Variants in TIMD4 observed in about 807,000 individuals in gnomAD.
TIMD4 encodes T-cell immunoglobulin and mucin domain-containing protein 4.
In TIMD4, 31 loss-of-function variants were observed where a neutral mutation model predicts 41.2. The observed-to-expected ratio is 0.75, with a 90% CI of 0.57 to 1.01. The LOEUF is 1.01. TIMD4 is among the 50% of genes least tolerant of loss of function. The pLI is 0.00. For missense variants in TIMD4, 479 were observed against 472.5 expected (o/e 1.01, Z -0.13); for synonymous variants, 204 against 177.1 (o/e 1.15, Z -1.21).
intron 1 of TIMD4, among the ~76,000 whole-genome samples, chr5:156,956,335 A>G (rs1020019491): frequency 6.6e-6 from 1 of 152,232 alleles, no homozygotes; most frequent in Non-Finnish European, 1.5e-5. Context: ...TGTGCCATAA[A>G]AAAAAAATGC....
In TIMD4 at chr5:156,944,624, C is replaced by T. The variant is rs188181233; in HGVS notation, c.844+3792G>A. On this transcript the variant is annotated intron_variant, in intron 5 of 8. Coordinates refer to ENST00000274532, the MANE Select transcript of TIMD4 (RefSeq NM_138379.3). Reference sequence around the variant, plus strand: ...GGTTCACACCATTCTCCTGCCTCAGCCTCCCAAGTAGCTGGGACTACAGGT... The same window carrying T: ...GGTTCACACCATTCTCCTGCCTCAGTCTCCCAAGTAGCTGGGACTACAGGT... Among the ~76,000 whole-genome samples, 800 of 151,928 alleles carry T rather than the reference C, an allele frequency of 5.3e-3. 1 individual carries two copies. Among genetic ancestry groups the T allele is most frequent in the Non-Finnish European group, 6.4e-3 (437 of 67,980 alleles).
At chr5:156,955,828 T>C (rs1759960564) in intron 1 of TIMD4, among the ~76,000 whole-genome samples, 1 of 152,228 alleles carries the variant, frequency 6.6e-6, no homozygotes, top group African/African-American at 2.4e-5. Flanking sequence ...GTGGAGTTCA[T>C]GGACTATCTA....
intron 5 of TIMD4, among the ~76,000 whole-genome samples, chr5:156,945,149 T>C (rs1202059742): frequency 6.6e-6 from 1 of 152,168 alleles, no homozygotes; most frequent in Non-Finnish European, 1.5e-5. Context: ...GTAGTCTTAT[T>C]CTGTAAGAGG....
intron 5 of TIMD4, among the ~76,000 whole-genome samples, chr5:156,946,251 A>T (rs1346669404): frequency 6.6e-6 from 1 of 151,912 alleles, no homozygotes; most frequent in Non-Finnish European, 1.5e-5. Flanking sequence ...ATAGTCCCCC[A>T]CCCTTACCCC....
intron 5 of TIMD4, among the ~76,000 whole-genome samples, chr5:156,940,788 G>A (rs1187592623): frequency 6.6e-6 from 1 of 151,780 alleles, no homozygotes. Flanking sequence ...GGGCACCCCC[G>A]CCCGGCAGCC....
At chr5:156,919,712 A>G (rs1319390687) in intron 8 of TIMD4, among the ~76,000 whole-genome samples, 171 bp from the exon 9 acceptor site, 3 of 152,214 alleles carry the variant, frequency 2.0e-5, no homozygotes, top group East Asian at 1.9e-4. Flanking sequence ...CAGGGGAAAA[A>G]GAGTTTCTGC....
intron 5 of TIMD4, among the ~76,000 whole-genome samples, chr5:156,933,598 C>T (rs957883458): frequency 2.0e-5 from 3 of 146,886 alleles, no homozygotes; most frequent in Admixed American, 6.7e-5. Context: ...GACAGAGTCT[C>T]ACTCTGTCTC....
intron 5 of TIMD4, among the ~76,000 whole-genome samples, chr5:156,940,061 A>AT (rs1477834685): frequency 6.6e-6 from 1 of 152,166 alleles, no homozygotes; most frequent in Non-Finnish European, 1.5e-5. Context: ...TCCCTGCCTG[A>AT]TTCTCCTGCC....
chr5:156,945,957 T>A (rs1430367190), intron 5 of TIMD4, among the ~76,000 whole-genome samples: 1 of 152,190 alleles, frequency 6.6e-6, no homozygotes, highest in African/African-American at 2.4e-5. Context: ...CTGCTTTTCA[T>A]CCCTAATGAC....
intron 5 of TIMD4, among the ~76,000 whole-genome samples, chr5:156,937,792 A>C (rs1467179881): frequency 6.6e-6 from 1 of 152,242 alleles, no homozygotes; most frequent in African/African-American, 2.4e-5. Flanking sequence ...AGAAAAAATA[A>C]TAAGAATCCA....
rs189227385 is a variant in TIMD4 at position 156,933,437 on chromosome 5, G to A, written c.845-7125C>T. On this transcript the variant is annotated intron_variant, in intron 5 of 8. Transcript: ENST00000274532. ...TCACTGCACTACAGCTTGGGCAACA[G>A]AGTGAGATCTCGCCCCCCAACCCCC... Among the ~76,000 whole-genome samples the A allele has an allele frequency of 1.2e-3, 180 of 151,992 alleles. 1 individual carries two copies. The highest frequency in any genetic ancestry group is 4.0e-3 in the African/African-American group (167 of 41,402).
intron 3 of TIMD4, among the ~76,000 whole-genome samples, chr5:156,950,966 T>C (rs977440790): frequency 7.3e-5 from 11 of 150,388 alleles, no homozygotes; most frequent in Admixed American, 2.7e-4. Context: ...AGAGAAACCA[T>C]AAAAAAAGAA....
intron 5 of TIMD4, among the ~76,000 whole-genome samples, chr5:156,938,423 C>T (rs751418304): frequency 6.6e-6 from 1 of 152,164 alleles, no homozygotes; most frequent in Non-Finnish European, 1.5e-5. Flanking sequence ...TATATTTTTA[C>T]TAAGTTCCCT....
chr5:156,962,442 G>A (rs958327188), intron 1 of TIMD4, among the ~76,000 whole-genome samples: 9 of 152,032 alleles, frequency 5.9e-5, no homozygotes, highest in Non-Finnish European at 1.3e-4. Context: ...AACTGCAAGG[G>A]CCATTCAATA....
intron 5 of TIMD4, among the ~76,000 whole-genome samples, chr5:156,944,916 G>A (rs915992658): frequency 5.3e-5 from 8 of 152,132 alleles, no homozygotes; most frequent in Admixed American, 2.0e-4. Context: ...ATAAAGTGGA[G>A]GCAAGAAATT....
At position 156,919,481 on chromosome 5, in the gene TIMD4, G is replaced by A. The variant is rs374958753; in HGVS notation, c.1113C>T (p.Asp371=). The A allele has an allele frequency of 7.7e-5, 125 of 1,614,014 alleles. No individual in the cohort carries two copies. Among genetic ancestry groups the A allele is most frequent in the Admixed American group, 1.7e-4 (10 of 60,010 alleles). ...VLNDVQHGRE[D]EDGLFTL ...GTTAGAGGGTAAAAAGGCCGTCTTC[G>A]TCTTCCCTTCCATGCTGCACGTCAT... Residue 371 remains aspartate, a synonymous_variant, in exon 9 of 9, where the codon GAC becomes GAT. Coordinates refer to ENST00000274532, the MANE Select transcript of TIMD4 (RefSeq NM_138379.3).
intron 1 of TIMD4, among the ~76,000 whole-genome samples, chr5:156,957,634 C>T (rs1198669732): frequency 6.6e-6 from 1 of 151,450 alleles, no homozygotes; most frequent in Non-Finnish European, 1.5e-5. Context: ...ATGTTAACAA[C>T]ATAGAACACA....
At position 156,920,368 on chromosome 5, in the gene TIMD4, A is replaced by C. The variant is rs558727660; in HGVS notation, c.1052+96T>G. 2.0e-4 allele frequency: 267 copies of C among 1,358,870 alleles called. No individual in the cohort carries two copies. In the African/African-American group the frequency reaches 3.6e-3, roughly 18 times the overall value. 84.2% of individuals were successfully genotyped at this position (1,358,870 alleles called of 1,614,324 possible). On this transcript the variant is annotated intron_variant, in intron 8 of 8. Transcript: ENST00000274532. ...TCTTTCCAACTCTATGTGTAATCGT[A>C]ACACAAGCTCAAGTCATTAAACCAC... is the stretch of plus-strand genomic sequence containing the variant.
At position 156,934,350 on chromosome 5, in the gene TIMD4, A is replaced by T. The variant is rs542329823; in HGVS notation, c.845-8038T>A. ...GCCTCAACCTCCCAGGCTCTGGCTC[A>T]CGGTATCCTCCCACCTCACCTCTGC... On this transcript the variant is annotated intron_variant, in intron 5 of 8. Transcript: ENST00000274532. Among the ~76,000 whole-genome samples, 9 of 152,318 alleles carry T rather than the reference A, an allele frequency of 5.9e-5. No individual in the cohort carries two copies. The East Asian group carries it at 1.7e-3, about 29-fold the overall frequency.
Sources: allele counts gnomAD v4.1 joint callset (sites outside exome capture counted in the v4.1 genomes callset), GRCh38; gene constraint gnomAD v4.1.1; transcripts MANE v1.5; gene names NCBI Gene and HGNC (gene_info 2026-07-23, HGNC 2026-07-21).